Variants in SLC44A5 observed in about 807,000 individuals in gnomAD.
SLC44A5 encodes the protein solute carrier family 44 member 5, also known as choline transporter-like protein 5.
In SLC44A5, 57 loss-of-function variants were observed where a neutral mutation model predicts 101.8. That is an observed-to-expected ratio of 0.56 (90% CI 0.45 to 0.70). SLC44A5 has a LOEUF of 0.70. Among genes scored for constraint, SLC44A5 ranks in the 30% least tolerant of loss-of-function variants. SLC44A5 has a pLI of 0.00. For missense variants in SLC44A5, 737 were observed against 853.1 expected, an observed-to-expected ratio of 0.86 and a Z score of 1.70; for synonymous variants, 281 against 290.9, an observed-to-expected ratio of 0.97 and a Z score of 0.35.
chr1:75,288,744 A>C (rs1653280259), intron 5 of SLC44A5, among the ~76,000 whole-genome samples: 1 of 152,214 alleles, frequency 6.6e-6, no homozygotes. Flanking sequence ...TGGATGCAGC[A>C]CTAGATCAAA....
At position 75,505,923 on chromosome 1, in the gene SLC44A5, G is replaced by T. The variant is rs867327637; in HGVS notation, c.13+35512C>A. ...GGAAAGACTTAGTCATAAACTATTT[G>T]CCAAGACTAGTGTCCAAAATGGCAT... On this transcript the variant is annotated intron_variant, in intron 2 of 23. Coordinates refer to ENST00000370859, the MANE Select transcript of SLC44A5 (RefSeq NM_001130058.2). 7.2e-5 allele frequency among the ~76,000 whole-genome samples: 11 copies of T among 152,130 alleles called. No homozygotes were observed. In the Middle Eastern group the frequency reaches 0.01, roughly 141 times the overall value.
the SLC44A5 span, among the ~76,000 whole-genome samples, chr1:75,696,691 C>G: frequency 2.0e-4 from 30 of 151,728 alleles, no homozygotes; most frequent in African/African-American, 7.0e-4. Flanking sequence ...GTCAGGAGAT[C>G]GAGACCATCC....
At chr1:75,317,180 G>A (rs1309535182) in intron 4 of SLC44A5, among the ~76,000 whole-genome samples, 1 of 152,210 alleles carries the variant, frequency 6.6e-6, no homozygotes, top group African/African-American at 2.4e-5. Context: ...TACCAGGAAA[G>A]TGTCATTTAA....
At chr1:75,722,869 T>G in the SLC44A5 span, among the ~76,000 whole-genome samples, 1 of 152,254 alleles carries the variant, frequency 6.6e-6, no homozygotes, top group Non-Finnish European at 1.5e-5. Flanking sequence ...TAACATTCTT[T>G]GATATCTGTT....
the SLC44A5 span, among the ~76,000 whole-genome samples, chr1:75,618,920 A>C: frequency 6.6e-6 from 1 of 151,912 alleles, no homozygotes; most frequent in Non-Finnish European, 1.5e-5. Context: ...AAATACAAAA[A>C]TTAGCTGGGT....
chr1:75,278,174 A>G (rs1185373749), intron 5 of SLC44A5, among the ~76,000 whole-genome samples: 1 of 152,136 alleles, frequency 6.6e-6, no homozygotes, highest in Non-Finnish European at 1.5e-5. Flanking sequence ...ACAACAAAGA[A>G]GAATATCTTA....
intron 2 of SLC44A5, among the ~76,000 whole-genome samples, chr1:75,482,702 A>G (rs958152657): frequency 6.6e-6 from 1 of 152,214 alleles, no homozygotes; most frequent in Non-Finnish European, 1.5e-5. Flanking sequence ...GCAATCTGTT[A>G]TTTAACTTGT....
intron 2 of SLC44A5, among the ~76,000 whole-genome samples, chr1:75,534,727 A>G (rs182422580): frequency 6.6e-6 from 1 of 152,378 alleles, no homozygotes; most frequent in African/African-American, 2.4e-5. Flanking sequence ...TTACTGAATC[A>G]ACTTTTTAAA....
At chr1:75,717,772 A>G in the SLC44A5 span, among the ~76,000 whole-genome samples, 1 of 152,240 alleles carries the variant, frequency 6.6e-6, no homozygotes, top group South Asian at 2.1e-4. Context: ...GGTTAAAACA[A>G]AGGTCTTAAT....
chr1:75,467,677 T>C (rs1193113972), intron 2 of SLC44A5, among the ~76,000 whole-genome samples: 1 of 152,150 alleles, frequency 6.6e-6, no homozygotes, highest in Non-Finnish European at 1.5e-5. Context: ...ATACAAAAAC[T>C]AAATCAAAAT....
intron 2 of SLC44A5, among the ~76,000 whole-genome samples, chr1:75,536,484 C>G (rs1378248541): frequency 1.3e-5 from 2 of 150,794 alleles, no homozygotes; most frequent in Admixed American, 6.6e-5. Context: ...GCCTGTAGTC[C>G]CAGCTACTCC....
At chr1:75,353,211 CA>C (rs1658816128) in intron 3 of SLC44A5, among the ~76,000 whole-genome samples, 1 of 152,134 alleles carries the variant, frequency 6.6e-6, no homozygotes, top group African/African-American at 2.4e-5. Flanking sequence ...AACATGTTAG[CA>C]ATATTACTTC....
intron 3 of SLC44A5, among the ~76,000 whole-genome samples, chr1:75,383,157 A>C (rs1414792589): frequency 1.5e-5 from 1 of 68,046 alleles, no homozygotes; most frequent in Non-Finnish European, 3.0e-5. Flanking sequence ...AAAGCACAGC[A>C]CTTAATCCTT....
intron 6 of SLC44A5, among the ~76,000 whole-genome samples, chr1:75,271,688 TACA>T (rs1651493936): frequency 6.6e-6 from 1 of 152,116 alleles, no homozygotes; most frequent in Non-Finnish European, 1.5e-5. Flanking sequence ...GGTGTGTATA[TACA>T]ACATTTTCTT....
the SLC44A5 span, among the ~76,000 whole-genome samples, chr1:75,689,930 G>A: frequency 6.6e-6 from 1 of 152,156 alleles, no homozygotes; most frequent in Non-Finnish European, 1.5e-5. Context: ...ACCAATCCCT[G>A]CCTCAGATTC....
the SLC44A5 span, among the ~76,000 whole-genome samples, chr1:75,680,386 A>C: frequency 1.3e-5 from 2 of 152,190 alleles, no homozygotes; most frequent in African/African-American, 4.8e-5. Flanking sequence ...AGCAAATGTA[A>C]AGAACAGAAA....
At chr1:75,714,103 C>G in the SLC44A5 span, among the ~76,000 whole-genome samples, 7 of 147,638 alleles carry the variant, frequency 4.7e-5, no homozygotes, top group East Asian at 1.4e-3. Context: ...TGTTCTCAAC[C>G]TTGATGAACA....
At position 75,452,393 on chromosome 1, in the gene SLC44A5, T is replaced by G. The variant is rs148096693; in HGVS notation, c.14-55772A>C. 4.4e-3 allele frequency among the ~76,000 whole-genome samples: 668 copies of G among 152,174 alleles called. 6 individuals are homozygous for G. The highest frequency in any genetic ancestry group is 0.015 in the African/African-American group (642 of 41,512). On this transcript the variant is annotated intron_variant, in intron 2 of 23. Transcript: ENST00000370859. ...CTAGATCAGTCTTACAAGAGATCCT[T>G]AAGAGAGCTCTAAACATGGAAATGA...
chr1:75,456,385 A>C (rs949853059), intron 2 of SLC44A5, among the ~76,000 whole-genome samples: 16 of 152,130 alleles, frequency 1.1e-4, no homozygotes, highest in African/African-American at 3.9e-4. Flanking sequence ...GAGTTGAAAA[A>C]CTATTGGGCA....
Sources: gnomAD v4.1 joint callset for allele counts (sites outside exome capture counted in the v4.1 genomes callset) on GRCh38, gnomAD v4.1.1 for gene constraint, MANE v1.5 for transcripts, NCBI Gene and HGNC (gene_info 2026-07-23, HGNC 2026-07-21) for gene names.